The following MS4A4E variants were observed in gnomAD, a reference collection of about 807,000 sequenced individuals.
MS4A4E encodes the protein membrane spanning 4-domains A4E.
A neutral mutation model predicts 13.3 loss-of-function variants in MS4A4E; 23 were observed. The observed-to-expected ratio is 1.73, with a 90% CI of 1.25 to 2.45. The LOEUF (loss-of-function observed/expected upper bound fraction) is 2.45, where lower values mean the gene tolerates loss of function less well. Ranked by LOEUF, MS4A4E falls within the 30% of genes most tolerant of loss-of-function variation. MS4A4E has a pLI of 0.00. For missense variants in MS4A4E, 144 were observed against 131.2 expected (o/e 1.10, Z -0.48); for synonymous variants, 36 against 45.6 (o/e 0.79, Z 0.85).
Position 60,213,227 on chromosome 11 carries a change from T to C in MS4A4E, c.223-95A>G, listed in dbSNP as rs1215521869. ...CACTGCTGTCTACCTTTATCTTATT[T>C]CAATAGTCTTCTAACTTGTCTCCTT... is the stretch of plus-strand genomic sequence containing the variant. On this transcript the variant is annotated intron_variant, in intron 4 of 8. Transcript: ENST00000651255. The C allele has an allele frequency of 2.8e-6, 4 of 1,451,586 alleles. No individual in the cohort carries two copies. In the Admixed American group the frequency reaches 7.9e-5, roughly 29 times the overall value. 89.9% of individuals were successfully genotyped at this position (1,451,586 alleles called of 1,614,324 possible). A position where few individuals can be genotyped will look rare whatever the true frequency, so the allele number is the denominator to read the frequency against.
intron 1 of MS4A4E, among the ~76,000 whole-genome samples, chr11:60,237,929 C>T (rs2084504631): frequency 6.6e-6 from 1 of 151,926 alleles, no homozygotes; most frequent in South Asian, 2.1e-4. Flanking sequence ...TCTATTGAGG[C>T]ATTCGTGGTG....
chr11:60,223,513 T>C (rs569099007), intron 3 of MS4A4E, among the ~76,000 whole-genome samples: 1 of 152,314 alleles, frequency 6.6e-6, no homozygotes, highest in East Asian at 1.9e-4. Context: ...ATGGTTAATA[T>C]TGAATGTTAA....
intron 1 of MS4A4E, among the ~76,000 whole-genome samples, chr11:60,240,694 T>G (rs185872568): frequency 3.1e-4 from 47 of 152,290 alleles, no homozygotes; most frequent in African/African-American, 9.4e-4. Flanking sequence ...TATTGAGACA[T>G]TTGCATATGT....
chr11:60,217,870 A>G (rs1278520405), intron 3 of MS4A4E, among the ~76,000 whole-genome samples: 1 of 152,216 alleles, frequency 6.6e-6, no homozygotes, highest in African/African-American at 2.4e-5. Context: ...GTGTGTTTAA[A>G]CAATATGAAA....
chr11:60,213,256 G>A (rs1458991054), intron 4 of MS4A4E, 124 bp from the exon 5 acceptor site: 1 of 1,530,756 alleles, frequency 6.5e-7, no homozygotes, highest in Admixed American at 2.0e-5. Context: ...TCTCCTTATA[G>A]TGGTTTCAAC....
chr11:60,227,037 C>T (rs2084352328), intron 3 of MS4A4E, among the ~76,000 whole-genome samples: 1 of 152,158 alleles, frequency 6.6e-6, no homozygotes, highest in East Asian at 1.9e-4. Context: ...TTTAAATTAG[C>T]AACCCTAAAA....
intron 1 of MS4A4E, among the ~76,000 whole-genome samples, chr11:60,242,286 G>A (rs2084561657): frequency 6.6e-6 from 1 of 152,158 alleles, no homozygotes; most frequent in Admixed American, 6.5e-5. Flanking sequence ...TTCATCTGGG[G>A]AAAGATTACA....
chr11:60,206,082 T>C (rs2084036522), intron 6 of MS4A4E, among the ~76,000 whole-genome samples: 1 of 152,002 alleles, frequency 6.6e-6, no homozygotes, highest in Non-Finnish European at 1.5e-5. Flanking sequence ...GTACTTTCTA[T>C]GGGTGAAGGA....
At chr11:60,224,937 CAAT>C (rs1441968609) in intron 3 of MS4A4E, 1 of 1,476,640 alleles carries the variant, frequency 6.8e-7, no homozygotes, top group East Asian at 2.5e-5. Context: ...ATGTTATATC[CAAT>C]TATATCAAAA....
At chr11:60,234,813 C>G (rs1167433327) in intron 1 of MS4A4E, among the ~76,000 whole-genome samples, 2 of 129,630 alleles carry the variant, frequency 1.5e-5, no homozygotes. Context: ...GCACTACTAA[C>G]TACTTACCTA....
At chr11:60,214,720 G>GCT in intron 3 of MS4A4E, 106 bp from the exon 4 acceptor site, 1 of 565,818 alleles carries the variant, frequency 1.8e-6, no homozygotes, top group East Asian at 3.3e-5. Flanking sequence ...AGATAGATAT[G>GCT]TATAAACAGG....
At chr11:60,219,012 C>T (rs2084231925) in intron 3 of MS4A4E, among the ~76,000 whole-genome samples, 1 of 152,118 alleles carries the variant, frequency 6.6e-6, no homozygotes, top group African/African-American at 2.4e-5. Context: ...AAAGATGGCC[C>T]ACTGTGGGTG....
chr11:60,229,020 T>C (rs2084376395), intron 2 of MS4A4E, among the ~76,000 whole-genome samples: 1 of 152,152 alleles, frequency 6.6e-6, no homozygotes, highest in Non-Finnish European at 1.5e-5. Context: ...ATGAACCCCA[T>C]TGTGATTTGT....
intron 5 of MS4A4E, among the ~76,000 whole-genome samples, chr11:60,212,388 C>A (rs918865448): frequency 2.0e-5 from 3 of 151,094 alleles, no homozygotes; most frequent in Non-Finnish European, 2.9e-5. Flanking sequence ...CGGCTCACTG[C>A]AAGCTCCACC....
intron 1 of MS4A4E, among the ~76,000 whole-genome samples, chr11:60,241,084 T>G (rs1010907343): frequency 6.6e-6 from 1 of 152,124 alleles, no homozygotes; most frequent in Non-Finnish European, 1.5e-5. Context: ...CGTGCAGTGG[T>G]GCAATCTCGG....
intron 1 of MS4A4E, among the ~76,000 whole-genome samples, chr11:60,231,202 G>C (rs184598993): frequency 6.6e-6 from 1 of 151,958 alleles, no homozygotes; most frequent in South Asian, 2.1e-4. Context: ...TAATCATTTA[G>C]AGCATTAATT....
At chr11:60,242,522 C>T (rs1478415339) in intron 1 of MS4A4E, among the ~76,000 whole-genome samples, 3 of 152,118 alleles carry the variant, frequency 2.0e-5, no homozygotes, top group East Asian at 1.9e-4. Context: ...AAATTCTGCA[C>T]GTGCTAGATC....
chr11:60,213,616 T>A (rs1310348993), intron 4 of MS4A4E, among the ~76,000 whole-genome samples: 1 of 152,224 alleles, frequency 6.6e-6, no homozygotes, highest in Admixed American at 6.5e-5. Context: ...GAGTGTAGTG[T>A]GGCTGCAGGT....
intron 3 of MS4A4E, among the ~76,000 whole-genome samples, chr11:60,215,064 A>T (rs1390540597): frequency 2.0e-5 from 3 of 152,160 alleles, no homozygotes; most frequent in African/African-American, 4.8e-5. Flanking sequence ...ATACTACTTC[A>T]TCTGAATCCA....
Sources: allele counts gnomAD v4.1 joint callset (sites outside exome capture counted in the v4.1 genomes callset), GRCh38; gene constraint gnomAD v4.1.1; transcripts MANE v1.5; gene names NCBI Gene and HGNC (gene_info 2026-07-23, HGNC 2026-07-21).